The following CD109 variants were observed in gnomAD, a reference collection of about 807,000 sequenced individuals.
The protein encoded by CD109 is CD109 molecule.
In CD109, 149 loss-of-function variants were observed where a neutral mutation model predicts 165.8. The ratio of observed to expected loss-of-function variants is 0.90; its 90% CI spans 0.79 to 1.03. CD109 has a LOEUF of 1.03. Among genes scored for constraint, CD109 ranks in the 50% least tolerant of loss-of-function variants. The pLI, the probability that CD109 is intolerant of heterozygous loss-of-function variation, is 0.00. For missense variants in CD109, 1,712 were observed against 1,677.8 expected, an observed-to-expected ratio of 1.02 and a Z score of -0.36; for synonymous variants, 585 against 592.1, an observed-to-expected ratio of 0.99 and a Z score of 0.18.
chr6:73,755,019 T>G (rs1329445344), intron 5 of CD109, among the ~76,000 whole-genome samples: 1 of 152,224 alleles, frequency 6.6e-6, no homozygotes, highest in Non-Finnish European at 1.5e-5. Context: ...AACAGAAACA[T>G]CATAATTGTT....
chr6:73,765,220 G>T lies in CD109; in HGVS notation c.1108-710G>T, dbSNP rs147964186. Among the ~76,000 whole-genome samples the T allele has an allele frequency of 1.9e-3, 296 of 152,162 alleles. 1 individual carries two copies. Among genetic ancestry groups the T allele is most frequent in the African/African-American group, 6.9e-3 (286 of 41,504 alleles). ...ACTCAGGTAGTGTTTGAGGGAGACT[G>T]CTCAGGCTGTGTGCAGGAGGATGGC... On this transcript the variant is annotated intron_variant, in intron 10 of 32. Coordinates refer to ENST00000287097, the MANE Select transcript of CD109 (RefSeq NM_133493.5).
upstream of CD109, among the ~76,000 whole-genome samples, chr6:73,691,356 C>T (rs1770686976): frequency 6.6e-6 from 1 of 152,172 alleles, no homozygotes; most frequent in Non-Finnish European, 1.5e-5. Context: ...GTACCCCATA[C>T]ACCTGTATTT....
chr6:73,745,505 T>A (rs1435752471), intron 5 of CD109, among the ~76,000 whole-genome samples: 4 of 152,178 alleles, frequency 2.6e-5, no homozygotes, highest in Admixed American at 2.6e-4. Context: ...TTCTTTTATA[T>A]GACTTGTGGA....
intron 5 of CD109, among the ~76,000 whole-genome samples, chr6:73,747,009 C>CT (rs1438142321): frequency 6.6e-6 from 1 of 152,170 alleles, no homozygotes; most frequent in Non-Finnish European, 1.5e-5. Context: ...ATTTCTTTCA[C>CT]TTTTTCTGCC....
chr6:73,771,739 G>T (rs769009114), intron 15 of CD109, among the ~76,000 whole-genome samples, 158 bp downstream of exon 15: 1 of 152,162 alleles, frequency 6.6e-6, no homozygotes, highest in Non-Finnish European at 1.5e-5. Context: ...AATCTGTATC[G>T]TAATGGTTAT....
intron 23 of CD109, among the ~76,000 whole-genome samples, chr6:73,798,467 G>T (rs1368562473): frequency 6.6e-6 from 1 of 152,124 alleles, no homozygotes; most frequent in African/African-American, 2.4e-5. Flanking sequence ...ACGATTTGGA[G>T]GACAGTCGAG....
chr6:73,687,320 GATTTTAGACATT>G, the CD109 span, among the ~76,000 whole-genome samples: 1 of 152,076 alleles, frequency 6.6e-6, no homozygotes, highest in African/African-American at 2.4e-5. Flanking sequence ...AACCATGCAT[GATTTTAGACATT>G]GGATACTCCT....
In CD109 at chr6:73,802,289, G is replaced by GTA. The variant is rs1554183442; in HGVS notation, c.2879-915_2879-914dup. Among the ~76,000 whole-genome samples, 522 of 78,152 alleles carry GTA rather than the reference G, an allele frequency of 6.7e-3. 6 individuals carry two copies. Among genetic ancestry groups the GTA allele is most frequent in the South Asian group, 0.012 (30 of 2,532 alleles). 51.3% of individuals were successfully genotyped at this position (78,152 alleles called of 152,430 possible). A position where few individuals can be genotyped will look rare whatever the true frequency, so the allele number is the denominator to read the frequency against. Reference sequence around the variant, plus strand: ...TGTGTGTGTGTGTGTGTGTGTGTGTGTATATATATATATATATTTTTTTTT... The same window carrying GTA: ...TGTGTGTGTGTGTGTGTGTGTGTGTGTATATATATATATATATATTTTTTTTT... On this transcript the variant is annotated intron_variant, in intron 23 of 32. Coordinates refer to ENST00000287097, the MANE Select transcript of CD109 (RefSeq NM_133493.5).
intron 29 of CD109, among the ~76,000 whole-genome samples, chr6:73,814,486 ATTTAT>A (rs1310831893): frequency 6.6e-6 from 1 of 152,162 alleles, no homozygotes; most frequent in African/African-American, 2.4e-5. Context: ...GAAAGCTATC[ATTTAT>A]TTTATCATCT....
chr6:73,784,776 A>G (rs546577176), intron 19 of CD109, among the ~76,000 whole-genome samples: 5 of 152,190 alleles, frequency 3.3e-5, no homozygotes, highest in African/African-American at 1.2e-4. Flanking sequence ...ACATTTTCTC[A>G]TCTGTATGTA....
intron 3 of CD109, among the ~76,000 whole-genome samples, chr6:73,729,574 C>A (rs568961622): frequency 6.6e-6 from 1 of 151,466 alleles, no homozygotes; most frequent in South Asian, 2.1e-4. Flanking sequence ...GGCTGGAGTG[C>A]AGTGGCACGA....
intron 23 of CD109, 105 bp downstream of exon 23, chr6:73,792,907 T>G (rs1290906105): frequency 1.2e-6 from 1 of 800,492 alleles, no homozygotes; most frequent in Non-Finnish European, 1.9e-6. Flanking sequence ...TTGTCTTAGG[T>G]AAGTGATGGG....
chr6:73,792,591 A>G (rs1008328549), intron 22 of CD109, 35 bp from the exon 23 acceptor site: 1 of 1,603,098 alleles, frequency 6.2e-7, no homozygotes, highest in Non-Finnish European at 8.5e-7. Flanking sequence ...GTTACTGAGT[A>G]TTTACTGAAT....
chr6:73,822,427 A>G (rs571562688), intron 32 of CD109, among the ~76,000 whole-genome samples: 1 of 152,340 alleles, frequency 6.6e-6, no homozygotes, highest in African/African-American at 2.4e-5. Context: ...CTCATAGTCA[A>G]CAAGCCAGTT....
chr6:73,690,406 TG>T, the CD109 span, among the ~76,000 whole-genome samples: 2 of 152,152 alleles, frequency 1.3e-5, no homozygotes, highest in African/African-American at 2.4e-5. Context: ...ACATTTTTTT[TG>T]TTTGTTTTTT....
At chr6:73,705,450 G>C (rs1355457448) in intron 2 of CD109, among the ~76,000 whole-genome samples, 1 of 152,010 alleles carries the variant, frequency 6.6e-6, no homozygotes. Flanking sequence ...AATCAGCCTG[G>C]ACAACATATT....
At chr6:73,798,525 C>T (rs1282203159) in intron 23 of CD109, among the ~76,000 whole-genome samples, 3 of 152,078 alleles carry the variant, frequency 2.0e-5, no homozygotes, top group African/African-American at 7.2e-5. Context: ...GGAAACCTCA[C>T]AGGACACTCC....
In CD109 at chr6:73,768,309, A is replaced by G. The variant is rs555684345; in HGVS notation, c.1674+78A>G. 90 of 872,750 alleles carry G rather than the reference A, an allele frequency of 1.0e-4. 1 individual carries two copies. In the Middle Eastern group the frequency reaches 1.8e-3, roughly 17 times the overall value. 54.1% of individuals were successfully genotyped at this position (872,750 alleles called of 1,614,324 possible). On this transcript the variant is annotated intron_variant, in intron 14 of 32. Transcript: ENST00000287097. Reference sequence around the variant, plus strand: ...GAGAAATGTAATATTTCTTTAGAAAAGTATCATTAAGCCAAACTGGTTAGA... The same window carrying G: ...GAGAAATGTAATATTTCTTTAGAAAGGTATCATTAAGCCAAACTGGTTAGA...
intron 22 of CD109, among the ~76,000 whole-genome samples, chr6:73,788,989 A>G (rs551655737): frequency 2.0e-4 from 31 of 152,338 alleles, no homozygotes; most frequent in Middle Eastern, 3.4e-3. Flanking sequence ...TTCATTCCTA[A>G]GAGCAGAGCT....
Sources: allele counts gnomAD v4.1 joint callset (sites outside exome capture counted in the v4.1 genomes callset), GRCh38; gene constraint gnomAD v4.1.1; transcripts MANE v1.5; gene names NCBI Gene and HGNC (gene_info 2026-07-23, HGNC 2026-07-21).